Variants in TTC23L observed in about 807,000 individuals in gnomAD.
The protein encoded by TTC23L is tetratricopeptide repeat protein 23-like.
A neutral mutation model predicts 48.1 loss-of-function variants in TTC23L; 42 were observed. That is an observed-to-expected ratio of 0.87 (90% confidence interval 0.68 to 1.13). The LOEUF (loss-of-function observed/expected upper bound fraction) is 1.13. Ranked by LOEUF, TTC23L falls within the 50% of genes most tolerant of loss-of-function variation. The probability of loss-of-function intolerance (pLI) is 0.00; values close to 1 mark genes in which losing one functional copy is unlikely to be tolerated. For missense variants in TTC23L, 391 were observed against 421.0 expected, an observed-to-expected ratio of 0.93 and a Z score of 0.62; for synonymous variants, 159 against 157.2, an observed-to-expected ratio of 1.01 and a Z score of -0.09.
intron 3 of TTC23L, among the ~76,000 whole-genome samples, chr5:34,848,217 C>T (rs1453448190): frequency 1.4e-4 from 22 of 152,250 alleles, no homozygotes; most frequent in Non-Finnish European, 1.5e-5. Flanking sequence ...AATGCCTGAC[C>T]CTATCGACTC....
At chr5:34,909,178 G>T in the TTC23L span, 1 of 1,135,172 alleles carries the variant, frequency 8.8e-7, no homozygotes, top group Non-Finnish European at 1.3e-6. Flanking sequence ...TTAACAGATT[G>T]AAAGTGTTTT....
intron 2 of TTC23L, among the ~76,000 whole-genome samples, chr5:34,841,629 C>CA (rs1758682058): frequency 6.6e-6 from 1 of 152,160 alleles, no homozygotes; most frequent in Non-Finnish European, 1.5e-5. Context: ...GAGATCCTCC[C>CA]ACCTCAGCCT....
intron 9 of TTC23L, among the ~76,000 whole-genome samples, chr5:34,885,295 G>T (rs1762478143): frequency 6.6e-6 from 1 of 152,172 alleles, no homozygotes; most frequent in Non-Finnish European, 1.5e-5. Context: ...AGATTTTAAG[G>T]AGGTGTAAAG....
chr5:34,923,557 C>A, the TTC23L span, among the ~76,000 whole-genome samples: 1 of 152,100 alleles, frequency 6.6e-6, no homozygotes, highest in African/African-American at 2.4e-5. Context: ...GGATTCCAGG[C>A]GTGAGCCACT....
chr5:34,911,477 T>C, the TTC23L span: 15 of 1,512,498 alleles, frequency 9.9e-6, 1 homozygote, highest in Middle Eastern at 1.3e-3. Context: ...AATAAAAATT[T>C]TGCATCCTAA....
At chr5:34,913,474 C>T in the TTC23L span, 7 of 1,549,648 alleles carry the variant, frequency 4.5e-6, no homozygotes, top group Non-Finnish European at 5.3e-6. Flanking sequence ...GTTTACCTGG[C>T]ATAGGACTTG....
the TTC23L span, chr5:34,920,123 C>G: frequency 3.2e-6 from 1 of 314,192 alleles, no homozygotes; most frequent in Non-Finnish European, 5.9e-6. Flanking sequence ...GGATTATGTC[C>G]CATTTTTTAA....
At chr5:34,896,836 A>T in exon 10 of TTC23L, 1 of 738,558 alleles carries the variant, frequency 1.4e-6, no homozygotes, top group South Asian at 1.5e-5. Context: ...CTACATACAA[A>T]GGCACAGAAG....
At chr5:34,847,690 G>T (rs1329309723) in intron 3 of TTC23L, among the ~76,000 whole-genome samples, 1 of 152,118 alleles carries the variant, frequency 6.6e-6, no homozygotes, top group East Asian at 1.9e-4. Flanking sequence ...TTCATGGCAT[G>T]ATGCTTCTTC....
Position 34,880,430 on chromosome 5 carries a change from C to T in TTC23L, c.1077+122C>T, listed in dbSNP as rs181372060. On this transcript the variant is annotated intron_variant, in intron 9 of 10. Transcript: ENST00000505624. ...GTCCCAGATAAAACTAGGCAAGAAC[C>T]ACATTGTTTCATTCTTTGCTAGCAT... is the stretch of plus-strand genomic sequence containing the variant. 4.8e-5 allele frequency: 50 copies of T among 1,034,302 alleles called. No individual in the cohort carries two copies. The African/African-American group carries it at 7.2e-4, about 15-fold the overall frequency. The allele number at this position is 1,034,302 out of a possible 1,614,324, so 64.1% of individuals were successfully genotyped here. A position where few individuals can be genotyped will look rare whatever the true frequency, so the allele number is the denominator to read the frequency against.
chr5:34,900,738 G>A (rs929297336), downstream of TTC23L, among the ~76,000 whole-genome samples: 1 of 152,124 alleles, frequency 6.6e-6, no homozygotes, highest in Non-Finnish European at 1.5e-5. Context: ...TGGGTCCCAT[G>A]GTATTATATG....
In TTC23L at chr5:34,850,174, G is replaced by A; in HGVS notation, c.256-11G>A. ...CTTTCCAAAAAGTATAATCACTTCT[G>A]TACTCTACAGAATACTCAAGCAAAC... On this transcript the variant is annotated splice_polypyrimidine_tract_variant and intron_variant, in intron 3 of 10. Transcript: ENST00000505624. The A allele has an allele frequency of 5.0e-6, 8 of 1,613,602 alleles. No individual in the cohort carries two copies. The highest frequency in any genetic ancestry group is 1.1e-5 in the South Asian group (1 of 91,072).
At chr5:34,864,157 T>C (rs1247332578) in intron 5 of TTC23L, among the ~76,000 whole-genome samples, 1 of 152,148 alleles carries the variant, frequency 6.6e-6, no homozygotes, top group Non-Finnish European at 1.5e-5. Flanking sequence ...CTAAAGGAAA[T>C]CGAGTGTAAT....
chr5:34,850,380 A>AGGAT, intron 4 of TTC23L, 72 bp downstream of exon 4: 2 of 1,595,140 alleles, frequency 1.3e-6, no homozygotes, highest in Non-Finnish European at 1.7e-6. Flanking sequence ...AACCTCAGTG[A>AGGAT]GGATGGGCAT....
chr5:34,916,666 G>T, the TTC23L span: 1 of 152,176 alleles, frequency 6.6e-6, no homozygotes, highest in African/African-American at 2.4e-5. Context: ...TGTGAACAAG[G>T]ATTATCTTTG....
chr5:34,868,886 A>G lies in TTC23L; in HGVS notation c.841-19A>G, dbSNP rs757661621. ...ACTGTCATTGGGTGCTTACCTTGTC[A>G]TGATTTTCTTTATTCCAGGCTCATT... On this transcript the variant is annotated intron_variant, in intron 7 of 10. Coordinates refer to ENST00000505624, the Ensembl canonical transcript of TTC23L. 3.8e-6 allele frequency: 6 copies of G among 1,583,688 alleles called. No individual in the cohort carries two copies. The highest frequency in any genetic ancestry group is 1.2e-5 in the South Asian group (1 of 86,758).
chr5:34,890,867 G>C, intron 9 of TTC23L, among the ~76,000 whole-genome samples: 1 of 152,094 alleles, frequency 6.6e-6, no homozygotes, highest in African/African-American at 2.4e-5. Flanking sequence ...CTCCCAAGTA[G>C]CTGGGATTAT....
the TTC23L span, chr5:34,919,875 A>G: frequency 8.4e-7 from 1 of 1,190,954 alleles, no homozygotes. Context: ...GCTATTTGTG[A>G]TTAACGAGGT....
chr5:34,914,841 CA>C, the TTC23L span: 1 of 1,614,052 alleles, frequency 6.2e-7, no homozygotes, highest in African/African-American at 1.3e-5. Context: ...AGGCTGGCCA[CA>C]AGGCTGTACT....
Sources: allele counts gnomAD v4.1 joint callset (sites outside exome capture counted in the v4.1 genomes callset), GRCh38; gene constraint gnomAD v4.1.1; transcripts MANE v1.5; gene names NCBI Gene and HGNC (gene_info 2026-07-23, HGNC 2026-07-21).